The following LINGO2 variants were observed in gnomAD, a reference collection of about 807,000 sequenced individuals.
The protein encoded by LINGO2 is leucine-rich repeat and immunoglobulin-like domain-containing nogo receptor-interacting protein 2.
In LINGO2, 14 loss-of-function variants were observed where a neutral mutation model predicts 30.6. The ratio of observed to expected loss-of-function variants is 0.46; its 90% CI spans 0.30 to 0.72. The LOEUF is 0.72. Ranked by LOEUF, LINGO2 falls within the 30% of genes least tolerant of loss-of-function variation. LINGO2 has a pLI of 0.07. For synonymous variants in LINGO2, 317 were observed against 288.5 expected, an observed-to-expected ratio of 1.10 and a Z score of -1.00; for missense variants, 729 against 751.7, an observed-to-expected ratio of 0.97 and a Z score of 0.35.
the LINGO2 span, among the ~76,000 whole-genome samples, chr9:28,965,634 TAC>T: frequency 8.5e-5 from 13 of 152,096 alleles, no homozygotes; most frequent in Non-Finnish European, 1.6e-4. Context: ...CAGCATAACA[TAC>T]AGTTAATTCA....
At chr9:29,189,188 A>C in the LINGO2 span, among the ~76,000 whole-genome samples, 1 of 142,892 alleles carries the variant, frequency 7.0e-6, no homozygotes, top group Non-Finnish European at 1.5e-5. Context: ...CTGGCCAGGC[A>C]GAGGGGCTCC....
At chr9:28,884,983 ATATAATAAT>A in the LINGO2 span, among the ~76,000 whole-genome samples, 1 of 5,624 alleles carries the variant, frequency 1.8e-4, no homozygotes, top group African/African-American at 5.4e-4. Flanking sequence ...TATATATAAT[ATATAATAAT>A]ATATTATATA....
chr9:28,101,319 GT>G (rs1826409703), intron 4 of LINGO2, among the ~76,000 whole-genome samples: 1 of 151,870 alleles, frequency 6.6e-6, no homozygotes, highest in Admixed American at 6.6e-5. Flanking sequence ...TGAGTCCTGA[GT>G]TTGCTAAAGG....
chr9:28,293,775 A>G (rs1320046314), intron 4 of LINGO2, among the ~76,000 whole-genome samples: 2 of 152,186 alleles, frequency 1.3e-5, no homozygotes, highest in Non-Finnish European at 2.9e-5. Flanking sequence ...AATAAAAATA[A>G]TTAGGATTAA....
intron 4 of LINGO2, among the ~76,000 whole-genome samples, chr9:28,029,999 CAG>C (rs1823587530): frequency 6.6e-6 from 1 of 152,074 alleles, no homozygotes; most frequent in Non-Finnish European, 1.5e-5. Flanking sequence ...TCCCAGAAAT[CAG>C]AGAAGGTGAT....
chr9:28,874,032 C>G, the LINGO2 span, among the ~76,000 whole-genome samples: 1 of 151,912 alleles, frequency 6.6e-6, no homozygotes, highest in Non-Finnish European at 1.5e-5. Flanking sequence ...TGACAAGTAA[C>G]AGGAAATTGC....
At chr9:28,782,717 G>A in the LINGO2 span, among the ~76,000 whole-genome samples, 1 of 152,194 alleles carries the variant, frequency 6.6e-6, no homozygotes, top group African/African-American at 2.4e-5. Flanking sequence ...CTAGCATCAT[G>A]GGAATTAACT....
chr9:28,448,504 C>G (rs192377032), intron 2 of LINGO2, among the ~76,000 whole-genome samples: 1 of 151,962 alleles, frequency 6.6e-6, no homozygotes, highest in Non-Finnish European at 1.5e-5. Flanking sequence ...TACTTACTAC[C>G]TATATAAAGC....
chr9:29,057,735 C>A, the LINGO2 span, among the ~76,000 whole-genome samples: 2 of 152,086 alleles, frequency 1.3e-5, no homozygotes, highest in Non-Finnish European at 2.9e-5. Flanking sequence ...GGGCCAGATA[C>A]CATGGCTTCG....
At chr9:29,079,115 G>T in the LINGO2 span, among the ~76,000 whole-genome samples, 2 of 150,642 alleles carry the variant, frequency 1.3e-5, no homozygotes, top group South Asian at 2.1e-4. Context: ...CCTAATTTGG[G>T]TATAGACAGA....
intron 4 of LINGO2, among the ~76,000 whole-genome samples, chr9:28,279,618 C>T (rs989744706): frequency 2.0e-5 from 3 of 152,068 alleles, no homozygotes; most frequent in Non-Finnish European, 4.4e-5. Context: ...TGTTACTGTA[C>T]ACTTAATAAA....
chr9:28,697,842 T>C, the LINGO2 span, among the ~76,000 whole-genome samples: 1 of 152,028 alleles, frequency 6.6e-6, no homozygotes, highest in African/African-American at 2.4e-5. Flanking sequence ...TCCCTGGTTT[T>C]GGACAAAAAA....
At chr9:28,425,311 C>T (rs1051519136) in intron 2 of LINGO2, among the ~76,000 whole-genome samples, 2 of 131,970 alleles carry the variant, frequency 1.5e-5, no homozygotes, top group Admixed American at 7.8e-5. Context: ...TGTGTATACA[C>T]AGTATATATG....
rs534183926 is a variant in LINGO2, at chr9:28,620,176, C to A, written c.-365+50024G>T. 1.1e-4 allele frequency among the ~76,000 whole-genome samples: 17 copies of A among 152,144 alleles called. No individual in the cohort carries two copies. The East Asian group carries it at 2.5e-3, about 23-fold the overall frequency. On this transcript the variant is annotated intron_variant, in intron 1 of 5. Coordinates refer to ENST00000379992, the Ensembl canonical transcript of LINGO2. ...TGCATTCTCCTAACTGAGGTAAATA[C>A]TCTGCATTGTTTTCTTCCCAGGTGA...
chr9:28,713,257 G>A, the LINGO2 span, among the ~76,000 whole-genome samples: 2 of 151,938 alleles, frequency 1.3e-5, no homozygotes, highest in South Asian at 4.2e-4. Context: ...TGACATTTCT[G>A]TACACATATA....
the LINGO2 span, among the ~76,000 whole-genome samples, chr9:28,848,041 T>C: frequency 7.0e-5 from 1 of 14,228 alleles, no homozygotes; most frequent in Non-Finnish European, 1.3e-4. Flanking sequence ...ACACACTATA[T>C]ATAGTATATA....
chr9:28,200,235 C>G (rs1031146614), intron 4 of LINGO2, among the ~76,000 whole-genome samples: 1 of 152,108 alleles, frequency 6.6e-6, no homozygotes, highest in Non-Finnish European at 1.5e-5. Flanking sequence ...AGATAGGTAA[C>G]CTTGCCTCTG....
chr9:28,990,670 A>G, the LINGO2 span, among the ~76,000 whole-genome samples: 3 of 152,146 alleles, frequency 2.0e-5, no homozygotes, highest in African/African-American at 7.2e-5. Context: ...TTCCAGAGGA[A>G]CGATCAGACA....
the LINGO2 span, among the ~76,000 whole-genome samples, chr9:28,727,374 C>T: frequency 6.6e-6 from 1 of 152,058 alleles, no homozygotes; most frequent in Non-Finnish European, 1.5e-5. Context: ...CAAGCTCCGC[C>T]TCCCAGGTTC....
Sources: allele counts gnomAD v4.1 joint callset (sites outside exome capture counted in the v4.1 genomes callset), GRCh38; gene constraint gnomAD v4.1.1; transcripts MANE v1.5; gene names NCBI Gene and HGNC (gene_info 2026-07-23, HGNC 2026-07-21).